The following KLHL1 variants were observed in gnomAD, a reference collection of about 807,000 sequenced individuals.
KLHL1 encodes the protein kelch like family member 1.
In KLHL1, 47 loss-of-function variants were observed where a neutral mutation model predicts 77.7. The ratio of observed to expected loss-of-function variants is 0.60; its 90% CI spans 0.48 to 0.77. The LOEUF is 0.77. KLHL1 is among the 30% of genes least tolerant of loss of function. The pLI, the probability that KLHL1 is intolerant of heterozygous loss-of-function variation, is 0.00. For synonymous variants in KLHL1, 360 were observed against 325.2 expected, an observed-to-expected ratio of 1.11 and a Z score of -1.15; for missense variants, 925 against 910.8, an observed-to-expected ratio of 1.02 and a Z score of -0.20.
chr13:69,897,898 T>G (rs1225424410), intron 4 of KLHL1, among the ~76,000 whole-genome samples: 1 of 152,230 alleles, frequency 6.6e-6, no homozygotes, highest in Non-Finnish European at 1.5e-5. Context: ...CCATTCCCTG[T>G]GGTTACTGAG....
intron 1 of KLHL1, among the ~76,000 whole-genome samples, chr13:70,027,185 T>C (rs1024529490): frequency 1.3e-5 from 2 of 152,150 alleles, no homozygotes; most frequent in African/African-American, 4.8e-5. Context: ...TGTGGCTGTT[T>C]TTAAAAGTAT....
intron 1 of KLHL1, among the ~76,000 whole-genome samples, chr13:70,043,369 T>G (rs936724043): frequency 6.6e-6 from 1 of 152,156 alleles, no homozygotes; most frequent in Admixed American, 6.5e-5. Flanking sequence ...GTTTATAAGT[T>G]AAGAAAGTTA....
chr13:69,756,759 A>G (rs1874761654), intron 7 of KLHL1, among the ~76,000 whole-genome samples: 1 of 152,170 alleles, frequency 6.6e-6, no homozygotes, highest in African/African-American at 2.4e-5. Context: ...ATAAATCCCT[A>G]TTGACAGAAA....
At chr13:69,917,843 CTG>C (rs1358210368) in intron 4 of KLHL1, among the ~76,000 whole-genome samples, 1 of 152,048 alleles carries the variant, frequency 6.6e-6, no homozygotes, top group African/African-American at 2.4e-5. Flanking sequence ...CCACAAAACA[CTG>C]TATTTTCATT....
chr13:69,804,984 G>A (rs993139), intron 6 of KLHL1, among the ~76,000 whole-genome samples: 57,928 of 151,828 alleles, frequency 0.38, 11,391 homozygotes, highest in African/African-American at 0.47. Flanking sequence ...GTTTTATAGT[G>A]TAAGCATTTC....
At chr13:70,091,475 T>C (rs1024293859) in intron 1 of KLHL1, among the ~76,000 whole-genome samples, 2 of 152,124 alleles carry the variant, frequency 1.3e-5, no homozygotes, top group African/African-American at 2.4e-5. Flanking sequence ...GGCCATCTCC[T>C]ACTCTCTAAA....
chr13:69,995,954 T>C (rs1885140633), intron 1 of KLHL1, among the ~76,000 whole-genome samples: 3 of 152,168 alleles, frequency 2.0e-5, no homozygotes, highest in Admixed American at 1.3e-4. Flanking sequence ...AACACAGTGC[T>C]ACACAAAAAG....
intron 6 of KLHL1, among the ~76,000 whole-genome samples, chr13:69,833,357 G>T (rs1034539195): frequency 3.3e-5 from 5 of 151,934 alleles, no homozygotes; most frequent in Admixed American, 2.6e-4. Flanking sequence ...ATGAAAAAAT[G>T]CTCAACATCA....
intron 7 of KLHL1, among the ~76,000 whole-genome samples, chr13:69,754,049 C>T (rs1349908427): frequency 2.0e-5 from 3 of 151,658 alleles, no homozygotes; most frequent in Admixed American, 2.0e-4. Context: ...CCTTTGTTGC[C>T]CAGGATGGTC....
chr13:70,057,519 G>A (rs976699236), intron 1 of KLHL1, among the ~76,000 whole-genome samples: 1 of 143,684 alleles, frequency 7.0e-6, no homozygotes, highest in African/African-American at 2.6e-5. Flanking sequence ...GCTCACGCCT[G>A]TAATCCCAGC....
rs758716539 is a variant in KLHL1, at chr13:69,940,219, CT to C, written c.834del (p.Glu279ArgfsTer28). ...GCAAGAAGGTTCTCAATGGTGTCCT[CT>C]TTTAATTCCAAGCAGCCTAAACATA... ...QFAYTGCLELKEDTIENLLAA... is the reference protein window; with the variant it reads ...QFAYTGCLELXEDTIENLLAA... On this transcript the variant is annotated frameshift_variant, in exon 4 of 11. Transcript: ENST00000377844. LOFTEE classifies it high-confidence loss of function. 1 of 1,605,192 alleles carries C rather than the reference CT, an allele frequency of 6.2e-7. No homozygotes were observed. The highest frequency in any genetic ancestry group is 1.7e-5 in the Admixed American group (1 of 57,804).
intron 1 of KLHL1, among the ~76,000 whole-genome samples, chr13:70,105,041 C>T (rs567594405): frequency 6.6e-6 from 1 of 151,908 alleles, no homozygotes; most frequent in Non-Finnish European, 1.5e-5. Context: ...CCATCAAATA[C>T]ATACAGTGCT....
intron 1 of KLHL1, among the ~76,000 whole-genome samples, chr13:70,079,468 T>C (rs1887342560): frequency 6.6e-6 from 1 of 152,202 alleles, no homozygotes; most frequent in South Asian, 2.1e-4. Flanking sequence ...TCATTTTCCA[T>C]TTTATAATGT....
chr13:69,942,586 G>A (rs1883400203), intron 3 of KLHL1, among the ~76,000 whole-genome samples: 1 of 151,930 alleles, frequency 6.6e-6, no homozygotes, highest in Non-Finnish European at 1.5e-5. Flanking sequence ...TTTGTTTTCT[G>A]AAATTTTTTA....
At chr13:69,948,746 T>C (rs1384349215) in intron 3 of KLHL1, among the ~76,000 whole-genome samples, 2 of 152,012 alleles carry the variant, frequency 1.3e-5, no homozygotes, top group East Asian at 1.9e-4. Context: ...ATTAGACACA[T>C]CATCCCCTAT....
At chr13:70,096,057 TG>T (rs1887782225) in intron 1 of KLHL1, among the ~76,000 whole-genome samples, 1 of 149,344 alleles carries the variant, frequency 6.7e-6, no homozygotes, top group African/African-American at 2.5e-5. Flanking sequence ...AATGCTTTAT[TG>T]CATATATGTA....
chr13:69,711,859 C>G (rs1875890944), intron 9 of KLHL1, among the ~76,000 whole-genome samples: 1 of 152,132 alleles, frequency 6.6e-6, no homozygotes, highest in Non-Finnish European at 1.5e-5. Context: ...GTTCTACATT[C>G]TCTCCAACAT....
At chr13:69,820,839 A>G (rs1428852925) in intron 6 of KLHL1, among the ~76,000 whole-genome samples, 1 of 152,228 alleles carries the variant, frequency 6.6e-6, no homozygotes, top group East Asian at 1.9e-4. Flanking sequence ...GATTTGGGTC[A>G]AACAAATGTG....
At chr13:69,908,707 A>G (rs926677983) in intron 4 of KLHL1, among the ~76,000 whole-genome samples, 1 of 151,606 alleles carries the variant, frequency 6.6e-6, no homozygotes, top group Non-Finnish European at 1.5e-5. Flanking sequence ...GTAGACATCA[A>G]TTTCCAAAGT....
Sources: gnomAD v4.1 joint callset for allele counts (sites outside exome capture counted in the v4.1 genomes callset) on GRCh38, gnomAD v4.1.1 for gene constraint, MANE v1.5 for transcripts, NCBI Gene and HGNC (gene_info 2026-07-23, HGNC 2026-07-21) for gene names.